Variants in TGFA observed in about 807,000 individuals in gnomAD.
TGFA encodes transforming growth factor alpha.
In TGFA, 12 loss-of-function variants were observed where a neutral mutation model predicts 21.7. The observed-to-expected ratio is 0.55, with a 90% CI of 0.35 to 0.90. The LOEUF (loss-of-function observed/expected upper bound fraction) is 0.90. TGFA is among the 40% of genes least tolerant of loss of function. The pLI is 0.01. For synonymous variants in TGFA, 79 were observed against 88.1 expected, an observed-to-expected ratio of 0.90 and a Z score of 0.58; for missense variants, 178 against 210.8, an observed-to-expected ratio of 0.84 and a Z score of 0.96.
At chr2:70,485,474 G>A (rs1434058459) in intron 2 of TGFA, among the ~76,000 whole-genome samples, 3 of 152,180 alleles carry the variant, frequency 2.0e-5, no homozygotes, top group Admixed American at 6.5e-5. Flanking sequence ...CTGACCTCAT[G>A]ATCCACCTGC....
At chr2:70,545,404 A>T (rs1461783466) in intron 1 of TGFA, among the ~76,000 whole-genome samples, 1 of 152,192 alleles carries the variant, frequency 6.6e-6, no homozygotes, top group African/African-American at 2.4e-5. Context: ...ATGCCACAGT[A>T]TGCCCCAGAT....
intron 5 of TGFA, among the ~76,000 whole-genome samples, chr2:70,452,571 C>G (rs1670090554): frequency 6.6e-6 from 1 of 152,142 alleles, no homozygotes. Flanking sequence ...TCTTGAGTGC[C>G]TACAATTGGG....
At position 70,495,397 on chromosome 2, in the gene TGFA, G is replaced by T. The variant is rs115099329; in HGVS notation, c.94+19462C>A. ...CATGAGCATTTTCTTGTGCCTTAAA[G>T]GTGAACTTTAGAATCATTTAGTTAA... On this transcript the variant is annotated intron_variant, in intron 2 of 5. Transcript: ENST00000295400. Among the ~76,000 whole-genome samples the T allele has an allele frequency of 6.7e-3, 1,025 of 152,270 alleles. 3 individuals are homozygous for T. The highest frequency in any genetic ancestry group is 0.017 in the Middle Eastern group (5 of 294).
At chr2:70,461,980 G>C (rs1003346883) in intron 3 of TGFA, among the ~76,000 whole-genome samples, 3 of 152,078 alleles carry the variant, frequency 2.0e-5, no homozygotes, top group Admixed American at 6.6e-5. Context: ...GAAACCTAAA[G>C]ACTGTTGTTC....
At chr2:70,548,210 G>C (rs1230030331) in intron 1 of TGFA, among the ~76,000 whole-genome samples, 1 of 152,162 alleles carries the variant, frequency 6.6e-6, no homozygotes, top group Non-Finnish European at 1.5e-5. Context: ...GTACCTCAGA[G>C]TATCCTGCAC....
chr2:70,547,773 A>T (rs1026436899), intron 1 of TGFA, among the ~76,000 whole-genome samples: 2 of 147,784 alleles, frequency 1.4e-5, no homozygotes, highest in African/African-American at 4.9e-5. Flanking sequence ...TATATGCTAT[A>T]TATGTAATAT....
chr2:70,552,645 G>A (rs1553506977), intron 1 of TGFA, among the ~76,000 whole-genome samples: 1 of 152,184 alleles, frequency 6.6e-6, no homozygotes, highest in Non-Finnish European at 1.5e-5. Context: ...TTCTAGGGCA[G>A]GCTTGCAGGC....
intron 2 of TGFA, among the ~76,000 whole-genome samples, chr2:70,510,517 A>G (rs1672063220): frequency 6.6e-6 from 1 of 152,158 alleles, no homozygotes; most frequent in Admixed American, 6.6e-5. Context: ...AAATCCAAAC[A>G]GGAACCAGAA....
chr2:70,536,151 TGA>T (rs1421274902), intron 1 of TGFA, among the ~76,000 whole-genome samples: 1 of 152,196 alleles, frequency 6.6e-6, no homozygotes, highest in Non-Finnish European at 1.5e-5. Flanking sequence ...AGACCTTTAT[TGA>T]GAGACGCAGA....
intron 4 of TGFA, 24 bp downstream of exon 4, chr2:70,456,315 G>A: frequency 6.5e-7 from 1 of 1,537,782 alleles, no homozygotes; most frequent in Non-Finnish European, 8.8e-7. Context: ...AGGGGACCTG[G>A]CCTTAGGGGC....
chr2:70,532,363 C>A lies in TGFA; in HGVS notation c.41-17451G>T, dbSNP rs538005446. 7.2e-3 allele frequency among the ~76,000 whole-genome samples: 1,099 copies of A among 152,196 alleles called. 7 individuals carry two copies. The highest frequency in any genetic ancestry group is 0.011 in the Non-Finnish European group (747 of 68,004). ...AAGTTAATGACTTTATCTTCACGGC[C>A]AAGCAGGGAGGCCATTCATCTACTT... On this transcript the variant is annotated intron_variant, in intron 1 of 5. Coordinates refer to ENST00000295400, the MANE Select transcript of TGFA (RefSeq NM_003236.4).
chr2:70,529,757 C>A (rs1434395646), intron 1 of TGFA, among the ~76,000 whole-genome samples: 1 of 152,076 alleles, frequency 6.6e-6, no homozygotes, highest in Non-Finnish European at 1.5e-5. Context: ...AGCAGAGGAG[C>A]AATAACATCT....
At chr2:70,468,464 T>C (rs2103707931) in intron 2 of TGFA, 1 of 152,396 alleles carries the variant, frequency 6.6e-6, no homozygotes, top group Non-Finnish European at 1.5e-5. Flanking sequence ...AAGGGTCTGC[T>C]GTAGTTTGCA....
chr2:70,459,513 A>G (rs577828642), intron 3 of TGFA, among the ~76,000 whole-genome samples: 31 of 152,162 alleles, frequency 2.0e-4, no homozygotes, highest in Non-Finnish European at 4.0e-4. Flanking sequence ...TTAGTGACAA[A>G]CACAAATCTG....
chr2:70,550,115 C>G (rs549179646), intron 1 of TGFA, among the ~76,000 whole-genome samples: 1 of 152,244 alleles, frequency 6.6e-6, no homozygotes, highest in African/African-American at 2.4e-5. Context: ...TCTATTTCGC[C>G]TCTGCCCATC....
intron 2 of TGFA, among the ~76,000 whole-genome samples, chr2:70,508,885 C>T (rs1672010614): frequency 6.6e-6 from 1 of 152,198 alleles, no homozygotes; most frequent in South Asian, 2.1e-4. Context: ...AATTACGATT[C>T]TGGACTGCAT....
intron 5 of TGFA, chr2:70,451,625 A>T: frequency 1.6e-6 from 1 of 620,222 alleles, no homozygotes. Flanking sequence ...ACCCCAAATG[A>T]CTCTGTTAGG....
At chr2:70,462,777 G>A (rs1391583996) in intron 3 of TGFA, among the ~76,000 whole-genome samples, 1 of 152,132 alleles carries the variant, frequency 6.6e-6, no homozygotes, top group Non-Finnish European at 1.5e-5. Context: ...GATCCAGGGG[G>A]GAAACTGAGG....
At chr2:70,504,681 A>T (rs1553499876) in intron 2 of TGFA, among the ~76,000 whole-genome samples, 1 of 151,932 alleles carries the variant, frequency 6.6e-6, no homozygotes, top group Non-Finnish European at 1.5e-5. Flanking sequence ...ATTTTAATGA[A>T]ATGAAGGGTT....
Sources: allele counts gnomAD v4.1 joint callset (sites outside exome capture counted in the v4.1 genomes callset), GRCh38; gene constraint gnomAD v4.1.1; transcripts MANE v1.5; gene names NCBI Gene and HGNC (gene_info 2026-07-23, HGNC 2026-07-21).